The following ABLIM3 variants were observed in gnomAD, a reference collection of about 807,000 sequenced individuals.
ABLIM3 encodes actin-binding LIM protein 3.
ABLIM3 carries 61 observed loss-of-function variants against 109.5 expected under a neutral mutation model. That is an observed-to-expected ratio of 0.56 (90% CI 0.45 to 0.69). The LOEUF (loss-of-function observed/expected upper bound fraction) is 0.69. Ranked by LOEUF, ABLIM3 falls within the 30% of genes least tolerant of loss-of-function variation. ABLIM3 has a pLI of 0.00. For missense variants in ABLIM3, 796 were observed against 889.5 expected (o/e 0.89, Z 1.34); for synonymous variants, 300 against 324.8 (o/e 0.92, Z 0.82).
intron 22 of ABLIM3, 137 bp from the exon 23 acceptor site, chr5:149,252,620 G>A (rs1754040502): frequency 1.4e-6 from 1 of 703,594 alleles, no homozygotes; most frequent in South Asian, 1.8e-5. Context: ...CCCCAAGAAG[G>A]GCAGATCCAG....
chr5:149,244,586 A>C, intron 15 of ABLIM3: 1 of 403,270 alleles, frequency 2.5e-6, no homozygotes, highest in Non-Finnish European at 4.6e-6. Context: ...AATCCATGGA[A>C]TGTGCTGGAA....
Position 149,182,790 on chromosome 5 carries a change from A to G in ABLIM3, c.14-662A>G, listed in dbSNP as rs145462468. ...CTTCAACCCTTTCATAATCTCCACC[A>G]GCATTTTTTTCTTAATTGTATACAT... On this transcript the variant is annotated intron_variant, in intron 2 of 23. Coordinates refer to ENST00000309868, the MANE Select transcript of ABLIM3 (RefSeq NM_014945.5). Among the ~76,000 whole-genome samples, 929 of 152,294 alleles carry G rather than the reference A, an allele frequency of 6.1e-3. 4 individuals are homozygous for G. Among genetic ancestry groups the G allele is most frequent in the African/African-American group, 0.02 (823 of 41,560 alleles).
rs552321551 is a variant in ABLIM3, at chr5:149,239,835, G to A, written c.1151G>A (p.Arg384Gln). The change falls in exon 13 of 24, where the codon CGG becomes CAG. Residue 384 changes from arginine to glutamine, a missense_variant. Coordinates refer to ENST00000309868, the MANE Select transcript of ABLIM3 (RefSeq NM_014945.5). ...TACATAGACTCCCCCACCTACAGCC[G>A]GCAGGGCATGTCCCCCACCTTCTCC... ...PGYIDSPTYSRQGMSPTFSRS... is the reference protein window; with the variant it reads ...PGYIDSPTYSQQGMSPTFSRS... 48 of 1,610,856 alleles carry A rather than the reference G, an allele frequency of 3.0e-5. 1 individual carries two copies. Among genetic ancestry groups the A allele is most frequent in the Admixed American group, 1.5e-4 (9 of 59,678 alleles).
intron 6 of ABLIM3, among the ~76,000 whole-genome samples, chr5:149,209,516 A>G (rs1759336204): frequency 6.6e-6 from 1 of 152,248 alleles, no homozygotes; most frequent in Non-Finnish European, 1.5e-5. Flanking sequence ...ACTGCCCAGT[A>G]AATACTCATT....
At chr5:149,255,199 T>G (rs1581256549) in intron 23 of ABLIM3, among the ~76,000 whole-genome samples, 1 of 152,340 alleles carries the variant, frequency 6.6e-6, no homozygotes, top group East Asian at 1.9e-4. Flanking sequence ...CAGTGCTGCC[T>G]CCACTCTCTT....
chr5:149,171,999 A>G (rs1755483433), intron 2 of ABLIM3, among the ~76,000 whole-genome samples: 1 of 147,792 alleles, frequency 6.8e-6, no homozygotes, highest in South Asian at 2.2e-4. Context: ...GAAATTGGCT[A>G]GTTAGACTGG....
chr5:149,191,390 T>C (rs1757459545), intron 3 of ABLIM3, among the ~76,000 whole-genome samples: 1 of 152,190 alleles, frequency 6.6e-6, no homozygotes, highest in Non-Finnish European at 1.5e-5. Context: ...TTTTGAAACC[T>C]GAGTAGTCCT....
chr5:149,195,361 C>T (rs536497373), intron 3 of ABLIM3, among the ~76,000 whole-genome samples: 7 of 152,316 alleles, frequency 4.6e-5, no homozygotes, highest in African/African-American at 1.7e-4. Context: ...GCAGTTTTAA[C>T]GTTCAATATT....
chr5:149,197,084 G>A (rs1016591413), intron 3 of ABLIM3, among the ~76,000 whole-genome samples: 2 of 151,834 alleles, frequency 1.3e-5, no homozygotes, highest in South Asian at 2.1e-4. Flanking sequence ...TCCCATTTTT[G>A]TATATGTTTG....
chr5:149,174,442 T>C (rs1246822510), intron 2 of ABLIM3: 1 of 152,208 alleles, frequency 6.6e-6, no homozygotes, highest in Non-Finnish European at 1.5e-5. Context: ...GAAGCAAATG[T>C]TGTGTACATA....
At position 149,244,769 on chromosome 5, in the gene ABLIM3, T is replaced by C. The variant is rs572560355; in HGVS notation, c.1352-112T>C. The C allele has an allele frequency of 6.2e-5, 85 of 1,374,068 alleles. No individual in the cohort carries two copies. In the African/African-American group the frequency reaches 1.1e-3, roughly 18 times the overall value. 85.1% of individuals were successfully genotyped at this position (1,374,068 alleles called of 1,614,324 possible). ...CCAGTTCTAACAGAGAGCCCTGATC[T>C]TGAAGTGGACTCACTCCCCTGGGCT... On this transcript the variant is annotated intron_variant, in intron 15 of 23. Transcript: ENST00000309868.
intron 8 of ABLIM3, chr5:149,217,451 A>C: frequency 5.5e-6 from 1 of 182,758 alleles, no homozygotes; most frequent in Non-Finnish European, 1.2e-5. Flanking sequence ...TTCTCCCCAC[A>C]TCTCAGAGCA....
At chr5:149,258,159 AC>A (rs1754610270) in intron 23 of ABLIM3, 131 bp from the exon 24 acceptor site, 4 of 653,878 alleles carry the variant, frequency 6.1e-6, no homozygotes, top group Non-Finnish European at 1.0e-5. Flanking sequence ...AGGCTCAGGC[AC>A]CATGCAAGGC....
intron 2 of ABLIM3, among the ~76,000 whole-genome samples, chr5:149,167,328 T>C (rs893548999): frequency 6.6e-6 from 1 of 152,176 alleles, no homozygotes; most frequent in Non-Finnish European, 1.5e-5. Flanking sequence ...TTTTAAAAAA[T>C]ATCTGATATG....
At chr5:149,186,097 G>A (rs1315088705) in intron 3 of ABLIM3, among the ~76,000 whole-genome samples, 1 of 152,204 alleles carries the variant, frequency 6.6e-6, no homozygotes, top group Non-Finnish European at 1.5e-5. Context: ...AGAGAGCAAG[G>A]AAACTTGCCT....
intron 2 of ABLIM3, among the ~76,000 whole-genome samples, chr5:149,160,903 T>C (rs1321157903): frequency 1.3e-5 from 2 of 152,196 alleles, no homozygotes; most frequent in East Asian, 3.9e-4. Context: ...GGCCCAGCAG[T>C]GGGCCCAAGA....
intron 7 of ABLIM3, among the ~76,000 whole-genome samples, chr5:149,214,701 T>C (rs544331244): frequency 6.6e-6 from 1 of 152,250 alleles, no homozygotes; most frequent in South Asian, 2.1e-4. Context: ...TGTTTCTCCT[T>C]CTCTTCTCAT....
rs140543040 is a variant in ABLIM3, at chr5:149,237,570, C to T, written c.1011C>T (p.Ser337=). The T allele has an allele frequency of 4.6e-5, 74 of 1,614,014 alleles. No homozygotes were observed. Among genetic ancestry groups the T allele is most frequent in the Non-Finnish European group, 5.9e-5 (70 of 1,180,028 alleles). The change falls in exon 11 of 24, where the codon TCC becomes TCT. Residue 337 remains serine (S), a synonymous_variant. Transcript: ENST00000309868. ...ATGAGCCTCATTCCAGATACATGTC[C>T]GACGAGATGCTGGAGAGATGTGGCT... is the stretch of plus-strand genomic sequence containing the variant. ...ISYEPHSRYM[S]DEMLERCGYG...
At chr5:149,241,480 G>A (rs1336678040) in intron 14 of ABLIM3, among the ~76,000 whole-genome samples, 1 of 152,218 alleles carries the variant, frequency 6.6e-6, no homozygotes, top group East Asian at 1.9e-4. Context: ...ATGAGAAGGG[G>A]CCTGGCGTGG....
Sources: gnomAD v4.1 joint callset for allele counts (sites outside exome capture counted in the v4.1 genomes callset) on GRCh38, gnomAD v4.1.1 for gene constraint, MANE v1.5 for transcripts, NCBI Gene and HGNC (gene_info 2026-07-23, HGNC 2026-07-21) for gene names.